The following SLC25A13 variants were observed in gnomAD, a reference collection of about 807,000 sequenced individuals.
The protein encoded by SLC25A13 is electrogenic aspartate/glutamate antiporter SLC25A13, mitochondrial.
SLC25A13 carries 70 observed loss-of-function variants against 85.5 expected under a neutral mutation model. The ratio of observed to expected loss-of-function variants is 0.82; its 90% CI spans 0.68 to 1.00. The LOEUF (loss-of-function observed/expected upper bound fraction) is 1.00. SLC25A13 is among the 50% of genes least tolerant of loss of function. The probability of loss-of-function intolerance (pLI) is 0.00; values close to 1 mark genes in which losing one functional copy is unlikely to be tolerated. For missense variants in SLC25A13, 765 were observed against 819.8 expected (o/e 0.93, Z 0.82); for synonymous variants, 259 against 288.7 (o/e 0.90, Z 1.04).
At chr7:96,122,140 G>A in intron 15 of SLC25A13, 143 bp from the exon 16 acceptor site, 1 of 1,047,840 alleles carries the variant, frequency 9.5e-7, no homozygotes, top group Non-Finnish European at 1.4e-6. Flanking sequence ...TATGGGAAAT[G>A]CAACCATGCC....
At chr7:96,245,079 G>A (rs1022320204) in intron 3 of SLC25A13, among the ~76,000 whole-genome samples, 11 of 152,044 alleles carry the variant, frequency 7.2e-5, no homozygotes, top group African/African-American at 2.2e-4. Context: ...CAGTCAAGTT[G>A]CCCAAGGCTG....
intron 13 of SLC25A13, among the ~76,000 whole-genome samples, chr7:96,168,175 C>A (rs1030428310): frequency 7.0e-6 from 1 of 142,250 alleles, no homozygotes; most frequent in Non-Finnish European, 1.5e-5. Flanking sequence ...ATGGAACCAT[C>A]CATTCATCTA....
At chr7:96,254,790 C>T (rs1797565056) in intron 3 of SLC25A13, among the ~76,000 whole-genome samples, 1 of 151,850 alleles carries the variant, frequency 6.6e-6, no homozygotes, top group Non-Finnish European at 1.5e-5. Flanking sequence ...GAAAAAATAC[C>T]CTGTGGGAGG....
At chr7:96,313,542 A>G (rs995930387) in intron 1 of SLC25A13, among the ~76,000 whole-genome samples, 8 of 152,218 alleles carry the variant, frequency 5.3e-5, no homozygotes, top group East Asian at 3.9e-4. Flanking sequence ...GTTCTCACTT[A>G]TAAGTGGGAG....
chr7:96,175,257 C>A (rs1794175188), intron 11 of SLC25A13, among the ~76,000 whole-genome samples: 1 of 152,200 alleles, frequency 6.6e-6, no homozygotes, highest in Admixed American at 6.5e-5. Context: ...GTGACCCAGG[C>A]AGAGGAAACA....
At chr7:96,245,121 T>G (rs1797137497) in intron 3 of SLC25A13, among the ~76,000 whole-genome samples, 2 of 152,212 alleles carry the variant, frequency 1.3e-5, no homozygotes, top group African/African-American at 4.8e-5. Flanking sequence ...TACTGGGGTA[T>G]TCTTATACCT....
chr7:96,130,147 T>C (rs1791961138), intron 15 of SLC25A13, among the ~76,000 whole-genome samples: 1 of 152,180 alleles, frequency 6.6e-6, no homozygotes, highest in Non-Finnish European at 1.5e-5. Context: ...TCTGGTAGAA[T>C]GGATTACCTC....
At chr7:96,213,226 A>G (rs902489454) in intron 4 of SLC25A13, among the ~76,000 whole-genome samples, 1 of 152,160 alleles carries the variant, frequency 6.6e-6, no homozygotes, top group Non-Finnish European at 1.5e-5. Context: ...AAACTCAATA[A>G]TCACTATGGG....
intron 4 of SLC25A13, among the ~76,000 whole-genome samples, chr7:96,212,349 G>A (rs924172277): frequency 1.1e-4 from 16 of 152,320 alleles, no homozygotes; most frequent in African/African-American, 2.9e-4. Flanking sequence ...CCTGTGGGAA[G>A]AGGAAGGGTA....
chr7:96,309,648 A>C (rs776992689), intron 1 of SLC25A13: 2 of 152,258 alleles, frequency 1.3e-5, no homozygotes, highest in Non-Finnish European at 2.9e-5. Flanking sequence ...ACTCTGAGGC[A>C]TATCTGTGTC....
At chr7:96,315,422 A>G (rs1054534699) in intron 1 of SLC25A13, among the ~76,000 whole-genome samples, 2 of 152,220 alleles carry the variant, frequency 1.3e-5, no homozygotes, top group Non-Finnish European at 2.9e-5. Context: ...ATACCAGTCC[A>G]GAAGACTTCA....
At chr7:96,288,185 C>CT (rs2116971188) in intron 2 of SLC25A13, among the ~76,000 whole-genome samples, 1 of 152,308 alleles carries the variant, frequency 6.6e-6, no homozygotes, top group South Asian at 2.1e-4. Flanking sequence ...AATCCCAGCA[C>CT]TTTAGGAGGC....
At position 96,295,834 on chromosome 7, in the gene SLC25A13, A is replaced by T. The variant is rs562509101; in HGVS notation, c.69+1064T>A. On this transcript the variant is annotated intron_variant, in intron 2 of 17. Coordinates refer to ENST00000265631, the MANE Select transcript of SLC25A13 (RefSeq NM_014251.3). ...ATGTTTAGAAAAACATATATATATA[A>T]AATATGTGTATATTAATATATGTTA... Among the ~76,000 whole-genome samples the T allele has an allele frequency of 1.9e-4, 28 of 150,968 alleles. No homozygotes were observed. In the East Asian group the frequency reaches 2.3e-3, roughly 13 times the overall value.
chr7:96,253,009 G>A (rs376044159), intron 3 of SLC25A13, among the ~76,000 whole-genome samples: 8 of 152,094 alleles, frequency 5.3e-5, no homozygotes, highest in African/African-American at 1.9e-4. Flanking sequence ...CAGAAGAATC[G>A]CTTGAACCCG....
chr7:96,192,946 GA>G (rs201512501), intron 6 of SLC25A13, 90 bp downstream of exon 6: 4 of 1,395,678 alleles, frequency 2.9e-6, no homozygotes, highest in African/African-American at 1.4e-5. Context: ...GTTTGCAACA[GA>G]AAAAAAACAC....
intron 14 of SLC25A13, among the ~76,000 whole-genome samples, chr7:96,138,945 G>A (rs1379021581): frequency 6.6e-6 from 1 of 152,144 alleles, no homozygotes; most frequent in African/African-American, 2.4e-5. Context: ...GACCTGGCCT[G>A]GAGAGGTTGT....
intron 3 of SLC25A13, among the ~76,000 whole-genome samples, chr7:96,273,241 GA>G (rs1798313112): frequency 6.6e-6 from 1 of 151,948 alleles, no homozygotes; most frequent in South Asian, 2.1e-4. Context: ...TCAATATCAC[GA>G]AAAACAATAT....
chr7:96,231,686 T>C (rs1255130619), intron 4 of SLC25A13, among the ~76,000 whole-genome samples: 1 of 151,072 alleles, frequency 6.6e-6, no homozygotes. Flanking sequence ...ATTGTGCCAC[T>C]GCATTCCAAC....
Position 96,145,327 on chromosome 7 carries a change from G to A in SLC25A13, c.1452+1229C>T, listed in dbSNP as rs151203831. Among the ~76,000 whole-genome samples the A allele has an allele frequency of 9.9e-3, 1,501 of 152,214 alleles. 19 individuals are homozygous for A. Among genetic ancestry groups the A allele is most frequent in the African/African-American group, 0.034 (1,400 of 41,542 alleles). The stretch of plus-strand genomic sequence containing the variant: ...GACCTGGAGAAGCAGAGTACCATTC[G>A]GGGAAGGGAGATTCTCCTGAGACAG... On this transcript the variant is annotated intron_variant, in intron 14 of 17. Transcript: ENST00000265631.
Sources: allele counts gnomAD v4.1 joint callset (sites outside exome capture counted in the v4.1 genomes callset), GRCh38; gene constraint gnomAD v4.1.1; transcripts MANE v1.5; gene names NCBI Gene and HGNC (gene_info 2026-07-23, HGNC 2026-07-21).